The following ABCA10 variants were observed in gnomAD, a reference collection of about 807,000 sequenced individuals.
ABCA10 encodes ATP-binding cassette sub-family A member 10.
ABCA10 carries 169 observed loss-of-function variants against 187.5 expected under a neutral mutation model. That is an observed-to-expected ratio of 0.90 (90% CI 0.80 to 1.02). The LOEUF is 1.02. ABCA10 is among the 50% of genes least tolerant of loss of function. ABCA10 has a pLI of 0.00. For missense variants in ABCA10, 1,727 were observed against 1,812.4 expected (o/e 0.95, Z 0.86); for synonymous variants, 574 against 601.8 (o/e 0.95, Z 0.68).
rs1280882661 is a variant in ABCA10, at chr17:69,162,933, G to T, written c.3363+1141C>A. Among the ~76,000 whole-genome samples, 4 of 151,308 alleles carry T rather than the reference G, an allele frequency of 2.6e-5. No individual in the cohort carries two copies. In the East Asian group the frequency reaches 7.8e-4, roughly 29 times the overall value. ...AGCTCACTGCAACCTCCATCTCCTG[G>T]CTCAATCGATTCTCCTGCCTCAGCC... On this transcript the variant is annotated intron_variant, in intron 27 of 38. Coordinates refer to ENST00000690296, the MANE Select transcript of ABCA10 (RefSeq NM_001377321.1).
chr17:69,205,545 A>G (rs1312274889), intron 9 of ABCA10, among the ~76,000 whole-genome samples: 2 of 152,226 alleles, frequency 1.3e-5, no homozygotes, highest in East Asian at 1.9e-4. Context: ...ATTTAAAAAG[A>G]AAGAGCATTA....
chr17:69,162,279 A>G (rs116724603), intron 27 of ABCA10, among the ~76,000 whole-genome samples: 1,961 of 152,306 alleles, frequency 0.013, 48 homozygotes, highest in African/African-American at 0.045. Context: ...AAGACAAATC[A>G]CAATCAAAAC....
At chr17:69,165,960 TAG>T (rs1170551817) in intron 25 of ABCA10, among the ~76,000 whole-genome samples, 7 of 152,234 alleles carry the variant, frequency 4.6e-5, no homozygotes, top group African/African-American at 1.7e-4. Flanking sequence ...AAAACATGCA[TAG>T]AAACTCTTAC....
intron 6 of ABCA10, among the ~76,000 whole-genome samples, chr17:69,217,923 C>G (rs1458218706): frequency 1.3e-5 from 2 of 152,272 alleles, no homozygotes; most frequent in African/African-American, 4.8e-5. Context: ...TCCCCAATAA[C>G]AGATGCAACA....
intron 1 of ABCA10, among the ~76,000 whole-genome samples, chr17:69,235,587 C>T (rs906563638): frequency 2.4e-4 from 36 of 152,194 alleles, no homozygotes; most frequent in South Asian, 6.2e-4. Flanking sequence ...ACTACTCAAG[C>T]GGCCTTACCC....
At position 69,152,462 on chromosome 17, in the gene ABCA10, C is replaced by T. The variant is rs377479549; in HGVS notation, c.4156G>A (p.Val1386Ile). The T allele has an allele frequency of 9.2e-5, 149 of 1,613,130 alleles. No individual in the cohort carries two copies. The highest frequency in any genetic ancestry group is 2.2e-4 in the South Asian group (20 of 90,964). ...AGGGTGCCCCTCTCCTTGTTTTTAA[C>T]GGTAGCCTGAAGTATCTGCCTAAAG... ...QQMWQILQATVKNKERGTLLT... is the reference protein window; with the variant it reads ...QQMWQILQATIKNKERGTLLT... The change falls in exon 35 of 39, where the codon GTT (valine) becomes ATT (isoleucine). Residue 1386 changes from valine (V) to isoleucine (I), a missense_variant. Transcript: ENST00000690296.
rs61397675 is a variant in ABCA10, at chr17:69,236,432, A to G, written c.-592-7572T>C. ...ACTGAAAGAAGACATGCATTCAAATATGCACAAAGACCTTGAGAATAAGTC... is the reference window on the plus strand; with the variant it reads ...ACTGAAAGAAGACATGCATTCAAATGTGCACAAAGACCTTGAGAATAAGTC... On this transcript the variant is annotated intron_variant, in intron 1 of 39. Transcript: ENST00000269081. Among the ~76,000 whole-genome samples the G allele has an allele frequency of 2.0e-4, 30 of 152,372 alleles. No individual in the cohort carries two copies. In the East Asian group the frequency reaches 5.2e-3, roughly 26 times the overall value.
intron 1 of ABCA10, among the ~76,000 whole-genome samples, chr17:69,243,142 A>C (rs1285307386): frequency 6.6e-6 from 1 of 152,242 alleles, no homozygotes; most frequent in African/African-American, 2.4e-5. Flanking sequence ...AGTGTGAGAT[A>C]GCTCTTTTAT....
At chr17:69,231,468 C>T (rs2074831677), upstream of ABCA10, among the ~76,000 whole-genome samples, 1 of 152,016 alleles carries the variant, frequency 6.6e-6, no homozygotes, top group Non-Finnish European at 1.5e-5. Flanking sequence ...TATCATGTTC[C>T]CCCTTTTTGA....
chr17:69,164,829 A>C (rs2074243714), intron 26 of ABCA10, 135 bp downstream of exon 26: 2 of 1,192,626 alleles, frequency 1.7e-6, no homozygotes, highest in Non-Finnish European at 2.3e-6. Flanking sequence ...TACAGCTTTA[A>C]AATCTTATTT....
At chr17:69,170,535 C>CCTG (rs2144774742) in intron 25 of ABCA10, among the ~76,000 whole-genome samples, 1 of 152,050 alleles carries the variant, frequency 6.6e-6, no homozygotes, top group African/African-American at 2.4e-5. Flanking sequence ...TTAAACACTT[C>CCTG]CTGTTTCTGC....
intron 25 of ABCA10, among the ~76,000 whole-genome samples, chr17:69,169,794 C>T (rs2074283012): frequency 1.3e-5 from 2 of 151,968 alleles, no homozygotes; most frequent in African/African-American, 2.4e-5. Flanking sequence ...GTGTTTCTTC[C>T]GTATGTACAA....
At chr17:69,216,452 CA>C (rs1464003295) in intron 6 of ABCA10, 94 bp from the exon 7 acceptor site, 2 of 1,384,176 alleles carry the variant, frequency 1.4e-6, no homozygotes, top group African/African-American at 2.9e-5. Flanking sequence ...GCTCTGAAAT[CA>C]GGACTAAATT....
chr17:69,237,394 T>C (rs2074878705), intron 1 of ABCA10, among the ~76,000 whole-genome samples: 1 of 152,188 alleles, frequency 6.6e-6, no homozygotes, highest in Admixed American at 6.5e-5. Context: ...GCACATCTGG[T>C]TAATCTACTC....
intron 2 of ABCA10, among the ~76,000 whole-genome samples, chr17:69,226,685 A>G (rs1279278837): frequency 6.6e-6 from 1 of 151,974 alleles, no homozygotes; most frequent in Non-Finnish European, 1.5e-5. Flanking sequence ...TTACTCATAG[A>G]TATTTTCCCA....
intron 20 of ABCA10, among the ~76,000 whole-genome samples, chr17:69,184,274 T>C (rs1051990068): frequency 1.3e-5 from 2 of 152,038 alleles, no homozygotes; most frequent in Admixed American, 6.6e-5. Flanking sequence ...CTGGTAAACA[T>C]AATCTCTTGG....
intron 9 of ABCA10, among the ~76,000 whole-genome samples, chr17:69,210,411 G>A (rs543949196): frequency 4.7e-5 from 7 of 150,476 alleles, no homozygotes; most frequent in East Asian, 3.9e-4. Flanking sequence ...GGATGGTCTC[G>A]ATCTCCTGAC....
chr17:69,184,814 A>C (rs910716348), intron 20 of ABCA10, among the ~76,000 whole-genome samples: 2 of 151,474 alleles, frequency 1.3e-5, no homozygotes, highest in African/African-American at 4.9e-5. Context: ...CCCATCCATC[A>C]ACAAGTGGAT....
intron 28 of ABCA10, among the ~76,000 whole-genome samples, chr17:69,156,345 T>C (rs528392796): frequency 7.2e-5 from 11 of 152,232 alleles, no homozygotes; most frequent in Admixed American, 1.3e-4. Context: ...CAAGCTTTGA[T>C]GCTTAAACAC....
Sources: allele counts gnomAD v4.1 joint callset (sites outside exome capture counted in the v4.1 genomes callset), GRCh38; gene constraint gnomAD v4.1.1; transcripts MANE v1.5; gene names NCBI Gene and HGNC (gene_info 2026-07-23, HGNC 2026-07-21).